The following VPS13A variants were observed in gnomAD, a reference collection of about 807,000 sequenced individuals.
VPS13A encodes the protein intermembrane lipid transfer protein VPS13A.
Under a neutral mutation model 390.9 loss-of-function variants are expected in VPS13A, and 264 were observed. That is an observed-to-expected ratio of 0.68 (90% CI 0.61 to 0.75). The LOEUF (loss-of-function observed/expected upper bound fraction) is 0.75. Among genes scored for constraint, VPS13A ranks in the 30% least tolerant of loss-of-function variants. The probability of loss-of-function intolerance (pLI) is 0.00; values close to 1 mark genes in which losing one functional copy is unlikely to be tolerated. For missense variants in VPS13A, 3,409 were observed against 3,733.9 expected, an observed-to-expected ratio of 0.91 and a Z score of 2.27; for synonymous variants, 1,231 against 1,227.1, an observed-to-expected ratio of 1.00 and a Z score of -0.07.
chr9:77,319,989 A>G (rs1829644007), intron 42 of VPS13A, among the ~76,000 whole-genome samples: 1 of 152,174 alleles, frequency 6.6e-6, no homozygotes, highest in Non-Finnish European at 1.5e-5. Context: ...CCCTCTGAAT[A>G]TAATTTTCAA....
At chr9:77,328,409 A>G (rs1392761920) in intron 45 of VPS13A, among the ~76,000 whole-genome samples, 1 of 152,242 alleles carries the variant, frequency 6.6e-6, no homozygotes, top group Non-Finnish European at 1.5e-5. Context: ...AACATTGGCT[A>G]ACTTCAGGTC....
rs147759784 is a variant in VPS13A at position 77,250,994 on chromosome 9, A to G, written c.2170+765A>G. On this transcript the variant is annotated intron_variant, in intron 21 of 71. Transcript: ENST00000360280. The stretch of plus-strand genomic sequence containing the variant: ...CATATGTAGAGATCTAAGTGTTTGT[A>G]TGCAGTCAGATTTTAATTACCTGAG... Among the ~76,000 whole-genome samples the G allele has an allele frequency of 8.5e-3, 1,288 of 152,356 alleles. 10 individuals are homozygous for G. The highest frequency in any genetic ancestry group is 0.014 in the South Asian group (67 of 4,832).
At chr9:77,245,171 C>T (rs1564660069) in intron 19 of VPS13A, among the ~76,000 whole-genome samples, 1 of 152,112 alleles carries the variant, frequency 6.6e-6, no homozygotes, top group Non-Finnish European at 1.5e-5. Context: ...AAAATACTCC[C>T]CACTCCCTTC....
intron 23 of VPS13A, among the ~76,000 whole-genome samples, chr9:77,267,434 G>A (rs1440783562): frequency 6.6e-6 from 1 of 152,170 alleles, no homozygotes; most frequent in Non-Finnish European, 1.5e-5. Flanking sequence ...TTTGCTGCAG[G>A]TCTGCTGGAG....
chr9:77,340,357 A>C, intron 49 of VPS13A, 47 bp from the exon 50 acceptor site: 1 of 1,604,572 alleles, frequency 6.2e-7, no homozygotes, highest in Non-Finnish European at 8.5e-7. Context: ...AATTTTATAA[A>C]GATGTTATAC....
At chr9:77,294,749 G>A (rs1274642783) in intron 32 of VPS13A, among the ~76,000 whole-genome samples, 7 of 152,252 alleles carry the variant, frequency 4.6e-5, no homozygotes, top group African/African-American at 1.7e-4. Flanking sequence ...CTGCAGCCCA[G>A]ACTGGAGTGC....
chr9:77,261,564 T>A (rs1825762997), intron 23 of VPS13A, among the ~76,000 whole-genome samples: 1 of 151,246 alleles, frequency 6.6e-6, no homozygotes, highest in Non-Finnish European at 1.5e-5. Flanking sequence ...TTTTAAATTT[T>A]GATTATTTTG....
intron 68 of VPS13A, among the ~76,000 whole-genome samples, chr9:77,388,699 A>G (rs1833789591): frequency 6.6e-6 from 1 of 152,084 alleles, no homozygotes; most frequent in Non-Finnish European, 1.5e-5. Context: ...TATTATAGGC[A>G]TTGTTTTTGT....
At chr9:77,366,680 C>A in intron 60 of VPS13A, 47 bp from the exon 61 acceptor site, 1 of 1,504,668 alleles carries the variant, frequency 6.6e-7, no homozygotes, top group Non-Finnish European at 9.1e-7. Context: ...TTAAAATTGT[C>A]AATATGAAGA....
chr9:77,251,784 T>A (rs1405271447), intron 21 of VPS13A, among the ~76,000 whole-genome samples: 2 of 152,146 alleles, frequency 1.3e-5, no homozygotes, highest in African/African-American at 4.8e-5. Flanking sequence ...TAGACTTGGA[T>A]GTGAATTTCA....
At chr9:77,273,402 A>G in intron 24 of VPS13A, 38 bp downstream of exon 24, 1 of 1,491,992 alleles carries the variant, frequency 6.7e-7, no homozygotes, top group Non-Finnish European at 9.1e-7. Context: ...TTCTTATTTT[A>G]TTAAAATAAT....
At chr9:77,351,788 G>C (rs934169478) in intron 53 of VPS13A, among the ~76,000 whole-genome samples, 5 of 152,082 alleles carry the variant, frequency 3.3e-5, no homozygotes, top group African/African-American at 1.2e-4. Context: ...AGAATCGCTT[G>C]AACCCGGGAG....
intron 23 of VPS13A, among the ~76,000 whole-genome samples, chr9:77,265,453 A>G (rs1305947765): frequency 6.6e-6 from 1 of 151,942 alleles, no homozygotes. Context: ...ATAGGCTATT[A>G]ATTACTGCCT....
chr9:77,246,927 T>C (rs2131258696), intron 19 of VPS13A, among the ~76,000 whole-genome samples: 1 of 152,250 alleles, frequency 6.6e-6, no homozygotes, highest in East Asian at 1.9e-4. Flanking sequence ...GAAGTATCTA[T>C]GTAGATTCTA....
chr9:77,298,041 T>C (rs528512221), intron 33 of VPS13A, among the ~76,000 whole-genome samples: 7 of 152,152 alleles, frequency 4.6e-5, no homozygotes, highest in Non-Finnish European at 1.0e-4. Context: ...AAATTCACTT[T>C]AGGTTACAGG....
In VPS13A at chr9:77,419,761, A is replaced by G. The variant is rs977577935; in HGVS notation, c.*3755A>G. 1 of 152,210 alleles carries G rather than the reference A, an allele frequency of 6.6e-6. No homozygotes were observed. Among genetic ancestry groups the G allele is most frequent in the African/African-American group, 2.4e-5 (1 of 41,452 alleles). 9.4% of individuals were successfully genotyped at this position (152,210 alleles called of 1,614,324 possible). ...TTACCACTAAGCATTTTACTATAAT[A>G]GAACTGGGGACATACATTGTCCTTT... On this transcript the variant is annotated 3_prime_UTR_variant, in exon 72 of 72. Coordinates refer to ENST00000360280, the MANE Select transcript of VPS13A (RefSeq NM_033305.3).
chr9:77,339,914 A>G lies in VPS13A; in HGVS notation c.6774+3A>G, dbSNP rs1830724330. ...ATCACTTTTTTAATAACAATAAGGTATGCGATGTTTATTCTGTTTTTCCCT... is the reference window on the plus strand; with the variant it reads ...ATCACTTTTTTAATAACAATAAGGTGTGCGATGTTTATTCTGTTTTTCCCT... On this transcript the variant is annotated splice_donor_region_variant and intron_variant, in intron 48 of 71. Coordinates refer to ENST00000360280, the MANE Select transcript of VPS13A (RefSeq NM_033305.3). The G allele has an allele frequency of 6.2e-7, 1 of 1,608,512 alleles. No individual in the cohort carries two copies. The highest frequency in any genetic ancestry group is 1.3e-5 in the African/African-American group (1 of 74,908).
intron 67 of VPS13A, among the ~76,000 whole-genome samples, chr9:77,378,094 T>C (rs1241260955): frequency 1.3e-5 from 2 of 152,176 alleles, no homozygotes; most frequent in Non-Finnish European, 2.9e-5. Context: ...TGCATGTATA[T>C]TTATAAGGGA....
At chr9:77,250,022 G>A (rs1490190788) in intron 20 of VPS13A, 75 bp from the exon 21 acceptor site, 20 of 1,516,182 alleles carry the variant, frequency 1.3e-5, no homozygotes, top group Non-Finnish European at 1.8e-5. Context: ...CATTTTATAA[G>A]TCTAAAAATT....
Sources: gnomAD v4.1 joint callset for allele counts (sites outside exome capture counted in the v4.1 genomes callset) on GRCh38, gnomAD v4.1.1 for gene constraint, MANE v1.5 for transcripts, NCBI Gene and HGNC (gene_info 2026-07-23, HGNC 2026-07-21) for gene names.